Variants in TRAM1 observed in about 807,000 individuals in gnomAD.
TRAM1 encodes the protein translocation associated membrane protein 1.
TRAM1 carries 17 observed loss-of-function variants against 48.7 expected under a neutral mutation model. The ratio of observed to expected loss-of-function variants is 0.35; its 90% CI spans 0.24 to 0.52. The LOEUF is 0.52. Ranked by LOEUF, TRAM1 falls within the 20% of genes least tolerant of loss-of-function variation. The pLI is 0.94. For missense variants in TRAM1, 351 were observed against 441.5 expected (o/e 0.79, Z 1.84); for synonymous variants, 182 against 154.0 (o/e 1.18, Z -1.34).
intron 8 of TRAM1, 50 bp downstream of exon 8, chr8:70,586,845 C>T (rs779271717): frequency 6.7e-7 from 1 of 1,489,452 alleles, no homozygotes; most frequent in Admixed American, 1.7e-5. Flanking sequence ...ATGTTAGGCA[C>T]TGACTTTAAA....
In TRAM1 at chr8:70,583,325, C is replaced by CTAAGAAATAT; in HGVS notation, c.891-11_891-2dup. 6.2e-7 allele frequency: 1 copy of CTAAGAAATAT among 1,612,310 alleles called. No homozygotes were observed. The highest frequency in any genetic ancestry group is 8.5e-7 in the Non-Finnish European group (1 of 1,179,342). Reference sequence around the variant, plus strand: ...GCAAATGGATGCCAGAACAGCGATTCTAAGAAATATTAAGACATAAAAAGT... The same window carrying CTAAGAAATAT: ...GCAAATGGATGCCAGAACAGCGATTCTAAGAAATATTAAGAAATATTAAGACATAAAAAGT... On this transcript the variant is annotated splice_acceptor_variant, in intron 9 of 10. Transcript: ENST00000262213. LOFTEE classifies it high-confidence loss of function.
At chr8:70,580,635 C>A (rs866920403) in intron 10 of TRAM1, among the ~76,000 whole-genome samples, 2 of 151,732 alleles carry the variant, frequency 1.3e-5, no homozygotes. Flanking sequence ...CCCCTAAGAT[C>A]AAAAACAAGA....
rs1434055124 is a variant in TRAM1 at position 70,574,222 on chromosome 8, T to C, written c.*710A>G. On this transcript the variant is annotated 3_prime_UTR_variant, in exon 11 of 11. Coordinates refer to ENST00000262213, the MANE Select transcript of TRAM1 (RefSeq NM_014294.6). ...CCTGTTCATAGTAAATATTTTCTGA[T>C]TTCCAGTTTACAAGTATTGAAAATG... is the stretch of plus-strand genomic sequence containing the variant. 1 of 410,372 alleles carries C rather than the reference T, an allele frequency of 2.4e-6. No homozygotes were observed. Among genetic ancestry groups the C allele is most frequent in the African/African-American group, 2.1e-5 (1 of 46,758 alleles). 25.4% of individuals were successfully genotyped at this position (410,372 alleles called of 1,614,324 possible). A position where few individuals can be genotyped will look rare whatever the true frequency, so the allele number is the denominator to read the frequency against.
chr8:70,574,873 G>C lies in TRAM1; in HGVS notation c.*59C>G. 8.5e-7 allele frequency: 1 copy of C among 1,178,434 alleles called. No individual in the cohort carries two copies. The highest frequency in any genetic ancestry group is 1.2e-6 in the Non-Finnish European group (1 of 803,474). The allele number at this position is 1,178,434 out of a possible 1,614,324, so 73.0% of individuals were successfully genotyped here. A position where few individuals can be genotyped will look rare whatever the true frequency, so the allele number is the denominator to read the frequency against. ...CAAGAACAGAAAAATCTCTAATGCT[G>C]AAAGATATAGTAGAAAGCAGATTTC... On this transcript the variant is annotated 3_prime_UTR_variant, in exon 11 of 11. Coordinates refer to ENST00000262213, the MANE Select transcript of TRAM1 (RefSeq NM_014294.6).
At chr8:70,582,972 T>C (rs551685531) in intron 10 of TRAM1, among the ~76,000 whole-genome samples, 192 bp downstream of exon 10, 1 of 152,230 alleles carries the variant, frequency 6.6e-6, no homozygotes, top group African/African-American at 2.4e-5. Context: ...TTGAGGGGAG[T>C]AACTGAGTTT....
chr8:70,591,241 G>C (rs1432333584), intron 6 of TRAM1, among the ~76,000 whole-genome samples: 1 of 152,174 alleles, frequency 6.6e-6, no homozygotes, highest in Non-Finnish European at 1.5e-5. Flanking sequence ...CCAGTAGCCA[G>C]GACTACAGGT....
chr8:70,577,412 C>T (rs1183807540), intron 10 of TRAM1, among the ~76,000 whole-genome samples: 1 of 152,148 alleles, frequency 6.6e-6, no homozygotes, highest in Non-Finnish European at 1.5e-5. Flanking sequence ...TTTCTGGGCC[C>T]ACCCATGGAC....
intron 4 of TRAM1, among the ~76,000 whole-genome samples, chr8:70,597,107 T>C (rs1354131938): frequency 1.3e-5 from 2 of 152,196 alleles, no homozygotes; most frequent in Non-Finnish European, 2.9e-5. Flanking sequence ...ATTATGTGTC[T>C]GACAAACTCA....
chr8:70,596,238 G>C, intron 5 of TRAM1, 25 bp downstream of exon 5: 1 of 1,555,246 alleles, frequency 6.4e-7, no homozygotes. Context: ...CCTTAACAAA[G>C]AAAGGGCTGC....
intron 10 of TRAM1, among the ~76,000 whole-genome samples, chr8:70,582,043 G>A (rs1024341037): frequency 6.6e-6 from 1 of 152,126 alleles, no homozygotes; most frequent in East Asian, 1.9e-4. Flanking sequence ...TGGTTTGCAC[G>A]ATTTTGTGAA....
chr8:70,602,054 A>T (rs1817616944), intron 1 of TRAM1, among the ~76,000 whole-genome samples: 1 of 152,242 alleles, frequency 6.6e-6, no homozygotes, highest in African/African-American at 2.4e-5. Flanking sequence ...CTAAGAAAAA[A>T]TGGTTAGAGA....
chr8:70,608,235 C>T lies in TRAM1; in HGVS notation c.-36G>A. The T allele has an allele frequency of 6.4e-7, 1 of 1,566,274 alleles. No homozygotes were observed. Among genetic ancestry groups the T allele is most frequent in the South Asian group, 1.1e-5 (1 of 87,118 alleles). ...CCGCCCGCGCCTGCAGGTGCTCCGC[C>T]CCGGTTCTGCTCTTCCCAGCTGCTC... On this transcript the variant is annotated 5_prime_UTR_variant, in exon 1 of 11. Coordinates refer to ENST00000262213, the MANE Select transcript of TRAM1 (RefSeq NM_014294.6).
At chr8:70,588,382 T>C (rs1026845652) in intron 6 of TRAM1, among the ~76,000 whole-genome samples, 2 of 152,096 alleles carry the variant, frequency 1.3e-5, no homozygotes, top group Non-Finnish European at 2.9e-5. Flanking sequence ...AGCCAGGCGT[T>C]TGAGTCTAGC....
rs545955792 is a variant in TRAM1, at chr8:70,608,252, C to T, written c.-53G>A. 1.6e-4 allele frequency: 245 copies of T among 1,515,808 alleles called. 1 individual carries two copies. In the African/African-American group the frequency reaches 3.1e-3, roughly 19 times the overall value. 93.9% of individuals were successfully genotyped at this position (1,515,808 alleles called of 1,614,324 possible). ...TGCTCCGCCCCGGTTCTGCTCTTCCCAGCTGCTCACCGACTCGCCGCCGCC... is the reference window on the plus strand; with the variant it reads ...TGCTCCGCCCCGGTTCTGCTCTTCCTAGCTGCTCACCGACTCGCCGCCGCC... On this transcript the variant is annotated 5_prime_UTR_variant, in exon 1 of 11. Coordinates refer to ENST00000262213, the MANE Select transcript of TRAM1 (RefSeq NM_014294.6).
At position 70,594,601 on chromosome 8, in the gene TRAM1, C is replaced by G. The variant is rs767504568; in HGVS notation, c.486-11G>C. On this transcript the variant is annotated splice_polypyrimidine_tract_variant and intron_variant, in intron 5 of 10. Coordinates refer to ENST00000262213, the MANE Select transcript of TRAM1 (RefSeq NM_014294.6). ...AACTTCATTTGAAATCTGTACAACA[C>G]AAGAAAATGAAGAGTACCTTTTAAA... 3.6e-5 allele frequency: 56 copies of G among 1,564,962 alleles called. 1 individual carries two copies. Among genetic ancestry groups the G allele is most frequent in the Non-Finnish European group, 4.7e-5 (55 of 1,159,306 alleles).
At chr8:70,593,201 T>C (rs1817405201) in intron 6 of TRAM1, among the ~76,000 whole-genome samples, 1 of 152,140 alleles carries the variant, frequency 6.6e-6, no homozygotes, top group African/African-American at 2.4e-5. Context: ...GGTGCTGTTT[T>C]CTAATCCTAG....
intron 10 of TRAM1, among the ~76,000 whole-genome samples, chr8:70,576,804 C>T (rs1816963183): frequency 6.6e-6 from 1 of 152,132 alleles, no homozygotes; most frequent in Non-Finnish European, 1.5e-5. Context: ...GAGTCCCGCA[C>T]TCCTGGGCAC....
chr8:70,581,944 C>T (rs746652749), intron 10 of TRAM1, among the ~76,000 whole-genome samples: 10 of 152,000 alleles, frequency 6.6e-5, no homozygotes, highest in East Asian at 1.9e-4. Flanking sequence ...TAGAGGGTGC[C>T]GGAGCAGAAT....
chr8:70,579,119 T>G (rs547311034), intron 10 of TRAM1, among the ~76,000 whole-genome samples: 28 of 152,238 alleles, frequency 1.8e-4, no homozygotes, highest in Non-Finnish European at 3.1e-4. Flanking sequence ...AGGCTATGTT[T>G]TAAGAAATGT....
Sources: gnomAD v4.1 joint callset for allele counts (sites outside exome capture counted in the v4.1 genomes callset) on GRCh38, gnomAD v4.1.1 for gene constraint, MANE v1.5 for transcripts, NCBI Gene and HGNC (gene_info 2026-07-23, HGNC 2026-07-21) for gene names.